Variants in C1orf74 observed in about 807,000 individuals in gnomAD.
The protein encoded by C1orf74 is UPF0739 protein C1orf74.
Under a neutral mutation model 7.3 loss-of-function variants are expected in C1orf74, and 5 were observed. The ratio of observed to expected loss-of-function variants is 0.68; its 90% CI spans 0.36 to 1.44. C1orf74 has a LOEUF of 1.44. Among genes scored for constraint, C1orf74 ranks in the 40% most tolerant of loss-of-function variants. C1orf74 has a pLI of 0.04. For missense variants in C1orf74, 291 were observed against 314.3 expected (o/e 0.93, Z 0.56); for synonymous variants, 121 against 132.5 (o/e 0.91, Z 0.59).
rs1240598731 is a variant in C1orf74 at position 209,781,731 on chromosome 1, T to C, written c.*1094A>G. On this transcript the variant is annotated 3_prime_UTR_variant, in exon 2 of 2. Coordinates refer to ENST00000294811, the MANE Select transcript of C1orf74 (RefSeq NM_152485.4). ...GTGTTCTTTTAGCCGATGATAAGCATGGTGGCAAGAACAGAAGGACACAAA... is the reference window on the plus strand; with the variant it reads ...GTGTTCTTTTAGCCGATGATAAGCACGGTGGCAAGAACAGAAGGACACAAA... 2 of 484,894 alleles carry C rather than the reference T, an allele frequency of 4.1e-6. No homozygotes were observed. The highest frequency in any genetic ancestry group is 1.9e-5 in the African/African-American group (1 of 51,708). 30.0% of individuals were successfully genotyped at this position (484,894 alleles called of 1,614,324 possible). A position where few individuals can be genotyped will look rare whatever the true frequency, so the allele number is the denominator to read the frequency against.
rs2077742432 is a variant in C1orf74 at position 209,780,018 on chromosome 1, G to GA, written c.*2806_*2807insT. 1 of 158,054 alleles carries GA rather than the reference G, an allele frequency of 6.3e-6. No individual in the cohort carries two copies. The highest frequency in any genetic ancestry group is 6.4e-5 in the Admixed American group (1 of 15,700). 9.8% of individuals were successfully genotyped at this position (158,054 alleles called of 1,614,324 possible). ...TGCTCTTTTCACCAAGACTAAGACT[G>GA]CAGGGTGGCTAAAAAACCATCTTTA... On this transcript the variant is annotated 3_prime_UTR_variant, in exon 2 of 2. Coordinates refer to ENST00000294811, the MANE Select transcript of C1orf74 (RefSeq NM_152485.4).
rs2077768469 is a variant in C1orf74 at position 209,781,080 on chromosome 1, A to G, written c.*1745T>C. The G allele has an allele frequency of 4.3e-6, 1 of 235,014 alleles. No individual in the cohort carries two copies. The highest frequency in any genetic ancestry group is 6.5e-5 in the South Asian group (1 of 15,368). 14.6% of individuals were successfully genotyped at this position (235,014 alleles called of 1,614,324 possible). On this transcript the variant is annotated 3_prime_UTR_variant, in exon 2 of 2. Coordinates refer to ENST00000294811, the MANE Select transcript of C1orf74 (RefSeq NM_152485.4). Reference sequence around the variant, plus strand: ...CATTTTTCGGTGTCTCTCATTTGCAAAGCACTTGCACGTAAAGTCATATAA... The same window carrying G: ...CATTTTTCGGTGTCTCTCATTTGCAGAGCACTTGCACGTAAAGTCATATAA...
At position 209,780,917 on chromosome 1, in the gene C1orf74, T is replaced by C. The variant is rs2077764381; in HGVS notation, c.*1908A>G. 1 of 194,294 alleles carries C rather than the reference T, an allele frequency of 5.1e-6. No individual in the cohort carries two copies. The highest frequency in any genetic ancestry group is 2.3e-5 in the African/African-American group (1 of 42,764). 12.0% of individuals were successfully genotyped at this position (194,294 alleles called of 1,614,324 possible). A position where few individuals can be genotyped will look rare whatever the true frequency, so the allele number is the denominator to read the frequency against. On this transcript the variant is annotated 3_prime_UTR_variant, in exon 2 of 2. Transcript: ENST00000294811. ...ACATTGAGTATCTTAAGTCTTTATA[T>C]GTCTCTTAAAGAGTAAAACTCTTCC...
In C1orf74 at chr1:209,782,716, C is replaced by G; in HGVS notation, c.*109G>C. ...GGCCAACTGATCTACAGCATTGTGC[C>G]TTAGTGTATTCAAGACACTTGGAAT... On this transcript the variant is annotated 3_prime_UTR_variant, in exon 2 of 2. Transcript: ENST00000294811. The G allele has an allele frequency of 8.7e-7, 1 of 1,144,416 alleles. No individual in the cohort carries two copies. The highest frequency in any genetic ancestry group is 1.3e-6 in the Non-Finnish European group (1 of 796,650). 70.9% of individuals were successfully genotyped at this position (1,144,416 alleles called of 1,614,324 possible).
chr1:209,781,471 C>T lies in C1orf74; in HGVS notation c.*1354G>A. The T allele has an allele frequency of 6.3e-7, 1 of 1,589,978 alleles. No individual in the cohort carries two copies. Among genetic ancestry groups the T allele is most frequent in the Non-Finnish European group, 8.6e-7 (1 of 1,158,564 alleles). ...GCTGCCTCCCAGAGTAAGAGGGTCT[C>T]TCCTTCCCATAAAGCCCTGGATGAT... On this transcript the variant is annotated 3_prime_UTR_variant, in exon 2 of 2. Coordinates refer to ENST00000294811, the MANE Select transcript of C1orf74 (RefSeq NM_152485.4).
chr1:209,783,978 G>C (rs1013611718), intron 1 of C1orf74, among the ~76,000 whole-genome samples: 1 of 152,080 alleles, frequency 6.6e-6, no homozygotes, highest in East Asian at 1.9e-4. Flanking sequence ...GGTTCAAACC[G>C]TAGGGAATTT....
chr1:209,782,121 G>A lies in C1orf74; in HGVS notation c.*704C>T, dbSNP rs1288254896. 21 of 1,613,996 alleles carry A rather than the reference G, an allele frequency of 1.3e-5. No individual in the cohort carries two copies. The highest frequency in any genetic ancestry group is 1.8e-5 in the Non-Finnish European group (21 of 1,179,996). ...TTGCTGCAGCACTGGCAGTGTTCCT[G>A]GCCAATAAAGACAACCTGATGATCT... On this transcript the variant is annotated 3_prime_UTR_variant, in exon 2 of 2. Coordinates refer to ENST00000294811, the MANE Select transcript of C1orf74 (RefSeq NM_152485.4).
rs2077781888 is a variant in C1orf74, at chr1:209,781,605, G to A, written c.*1220C>T. On this transcript the variant is annotated 3_prime_UTR_variant, in exon 2 of 2. Transcript: ENST00000294811. The stretch of plus-strand genomic sequence containing the variant: ...TGGTTTATACTATACTGACATTATG[G>A]CAACCATTGAAAAAAACACTGGCTC... The A allele has an allele frequency of 3.7e-6, 2 of 547,748 alleles. No homozygotes were observed. Among genetic ancestry groups the A allele is most frequent in the Non-Finnish European group, 6.5e-6 (2 of 305,884 alleles). 33.9% of individuals were successfully genotyped at this position (547,748 alleles called of 1,614,324 possible).
At chr1:209,784,094 C>A (rs1280984336) in intron 1 of C1orf74, among the ~76,000 whole-genome samples, 1 of 152,160 alleles carries the variant, frequency 6.6e-6, no homozygotes, top group East Asian at 1.9e-4. Flanking sequence ...TTTCCACTGA[C>A]AACTCCCCTA....
Position 209,779,860 on chromosome 1 carries a change from A to G in C1orf74, c.*2965T>C, listed in dbSNP as rs528639559. On this transcript the variant is annotated 3_prime_UTR_variant, in exon 2 of 2. Coordinates refer to ENST00000294811, the MANE Select transcript of C1orf74 (RefSeq NM_152485.4). ...GACCTTTTGTTTTCTCTTCACAATC[A>G]TTGGGCATAATATAATAGATAAGGC... 8.6e-6 allele frequency: 2 copies of G among 231,390 alleles called. No individual in the cohort carries two copies. The highest frequency in any genetic ancestry group is 1.7e-5 in the Non-Finnish European group (2 of 117,112). The allele number at this position is 231,390 out of a possible 1,614,324, so 14.3% of individuals were successfully genotyped here. A position where few individuals can be genotyped will look rare whatever the true frequency, so the allele number is the denominator to read the frequency against.
chr1:209,783,109 G>T lies in C1orf74; in HGVS notation c.526C>A (p.Leu176Ile), dbSNP rs767574298. The change falls in exon 2 of 2, where the codon CTC becomes ATC. Residue 176 changes from leucine (L) to isoleucine (I), a missense_variant. Transcript: ENST00000294811. ...DWNLCTVFGI[L>I]LGYPVPYTFH... ...GTATAGGGAACAGGATAGCCCAGGAGGATCCCAAATACAGTACACAGATTC... is the reference window on the plus strand; with the variant it reads ...GTATAGGGAACAGGATAGCCCAGGATGATCCCAAATACAGTACACAGATTC... 6.2e-7 allele frequency: 1 copy of T among 1,614,176 alleles called. No individual in the cohort carries two copies. The highest frequency in any genetic ancestry group is 1.1e-5 in the South Asian group (1 of 91,084).
Position 209,783,698 on chromosome 1 carries a change from T to C in C1orf74, c.-64A>G. The C allele has an allele frequency of 1.5e-6, 2 of 1,344,118 alleles. No individual in the cohort carries two copies. Among genetic ancestry groups the C allele is most frequent in the Non-Finnish European group, 2.0e-6 (2 of 977,786 alleles). 83.3% of individuals were successfully genotyped at this position (1,344,118 alleles called of 1,614,324 possible). A position where few individuals can be genotyped will look rare whatever the true frequency, so the allele number is the denominator to read the frequency against. On this transcript the variant is annotated 5_prime_UTR_variant, in exon 2 of 2. Transcript: ENST00000294811. ...TGGGTGGCATCTTTCAGCCAGACAC[T>C]TGAGGAGGGGCCTAGAAACAAAGCA...
Position 209,779,762 on chromosome 1 carries a change from CT to C in C1orf74, c.*3062del. ...CAACTCACTGTTAGCCCTAGAGAGT[CT>C]ACTGTCCATGTTTCCTGAGAATTCA... On this transcript the variant is annotated 3_prime_UTR_variant, in exon 2 of 2. Transcript: ENST00000294811. The C allele has an allele frequency of 1.9e-6, 1 of 515,676 alleles. No homozygotes were observed. The highest frequency in any genetic ancestry group is 3.4e-6 in the Non-Finnish European group (1 of 289,962). 31.9% of individuals were successfully genotyped at this position (515,676 alleles called of 1,614,324 possible). A position where few individuals can be genotyped will look rare whatever the true frequency, so the allele number is the denominator to read the frequency against.
At position 209,781,052 on chromosome 1, in the gene C1orf74, C is replaced by G. The variant is rs1327299373; in HGVS notation, c.*1773G>C. ...TTCTAGGTCGTTTGTTCTATAAGAACTTCATTTTTCGGTGTCTCTCATTTG... is the reference window on the plus strand; with the variant it reads ...TTCTAGGTCGTTTGTTCTATAAGAAGTTCATTTTTCGGTGTCTCTCATTTG... On this transcript the variant is annotated 3_prime_UTR_variant, in exon 2 of 2. Coordinates refer to ENST00000294811, the MANE Select transcript of C1orf74 (RefSeq NM_152485.4). The G allele has an allele frequency of 4.3e-6, 1 of 230,688 alleles. No homozygotes were observed. The allele number at this position is 230,688 out of a possible 1,614,324, so 14.3% of individuals were successfully genotyped here.
rs917994423 is a variant in C1orf74, at chr1:209,784,487, G to A, written c.-185C>T. 6 of 152,276 alleles carry A rather than the reference G, an allele frequency of 3.9e-5. No homozygotes were observed. Among genetic ancestry groups the A allele is most frequent in the Non-Finnish European group, 1.5e-5 (1 of 68,062 alleles). 9.4% of individuals were successfully genotyped at this position (152,276 alleles called of 1,614,324 possible). A position where few individuals can be genotyped will look rare whatever the true frequency, so the allele number is the denominator to read the frequency against. On this transcript the variant is annotated 5_prime_UTR_variant, in exon 1 of 2. It introduces an in-frame stop codon into an upstream open reading frame of the 5' UTR. Coordinates refer to ENST00000294811, the MANE Select transcript of C1orf74 (RefSeq NM_152485.4). ...CCCACGCCCAGCCGCAAGTAACACTGGAAAACCCGCCTGCGCTGGGAAGAC... is the reference window on the plus strand; with the variant it reads ...CCCACGCCCAGCCGCAAGTAACACTAGAAAACCCGCCTGCGCTGGGAAGAC...
Position 209,780,365 on chromosome 1 carries a change from C to T in C1orf74, c.*2460G>A. On this transcript the variant is annotated 3_prime_UTR_variant, in exon 2 of 2. Transcript: ENST00000294811. ...CCATCAGTCTAGCCAAGAGCACGCC[C>T]TCCCAAGTTCCCTCCCCTCTCCCCA... 8.6e-7 allele frequency: 1 copy of T among 1,156,160 alleles called. No homozygotes were observed. 71.6% of individuals were successfully genotyped at this position (1,156,160 alleles called of 1,614,324 possible). A position where few individuals can be genotyped will look rare whatever the true frequency, so the allele number is the denominator to read the frequency against.
rs750136654 is a variant in C1orf74 at position 209,783,438 on chromosome 1, A to G, written c.197T>C (p.Leu66Pro). 35 of 1,614,096 alleles carry G rather than the reference A, an allele frequency of 2.2e-5. No individual in the cohort carries two copies. Among genetic ancestry groups the G allele is most frequent in the Non-Finnish European group, 2.9e-5 (34 of 1,180,006 alleles). ...CTTCAGCTCCTCCAGATAGCTCTGGAGCTCTGATGCCCCTGCACAGTTGCA... is the reference window on the plus strand; with the variant it reads ...CTTCAGCTCCTCCAGATAGCTCTGGGGCTCTGATGCCCCTGCACAGTTGCA... ...YDCNCAGASE[L>P]QSYLEELKGL... is the part of the protein sequence containing the mutation. Residue 66 changes from leucine (L) to proline (P), a missense_variant, in exon 2 of 2, where the codon CTC (leucine) becomes CCC (proline). Leu to Pro is a moderately conservative substitution (Grantham distance 98). Transcript: ENST00000294811.
At position 209,782,046 on chromosome 1, in the gene C1orf74, C is replaced by G. The variant is rs780432245; in HGVS notation, c.*779G>C. ...TGGCCACTTTCTTCTGTCTCCCTGT[C>G]CCCCTACAGAGGCAATGTGGGCGAT... On this transcript the variant is annotated 3_prime_UTR_variant, in exon 2 of 2. Coordinates refer to ENST00000294811, the MANE Select transcript of C1orf74 (RefSeq NM_152485.4). The G allele has an allele frequency of 6.2e-7, 1 of 1,610,588 alleles. No homozygotes were observed. The highest frequency in any genetic ancestry group is 2.2e-5 in the East Asian group (1 of 44,888).
In C1orf74 at chr1:209,779,613, CAT is replaced by C. The variant is rs1571966796; in HGVS notation, c.*3210_*3211del. 5 of 642,332 alleles carry C rather than the reference CAT, an allele frequency of 7.8e-6. No individual in the cohort carries two copies. Among genetic ancestry groups the C allele is most frequent in the East Asian group, 5.5e-5 (2 of 36,592 alleles). The allele number at this position is 642,332 out of a possible 1,614,324, so 39.8% of individuals were successfully genotyped here. On this transcript the variant is annotated 3_prime_UTR_variant, in exon 2 of 2. Transcript: ENST00000294811. ...AGGGTTTCTATTCTCTCTGAAAGCACATGTCTGTGTTGAACATTTCAATAAAT... is the reference window on the plus strand; with the variant it reads ...AGGGTTTCTATTCTCTCTGAAAGCACGTCTGTGTTGAACATTTCAATAAAT...
Sources: gnomAD v4.1 joint callset for allele counts (sites outside exome capture counted in the v4.1 genomes callset) on GRCh38, gnomAD v4.1.1 for gene constraint, MANE v1.5 for transcripts, NCBI Gene and HGNC (gene_info 2026-07-23, HGNC 2026-07-21) for gene names.